Variants in TAF9B observed in about 807,000 individuals in gnomAD.
TAF9B encodes the protein transcription initiation factor TFIID subunit 9B.
A neutral mutation model predicts 17.6 loss-of-function variants in TAF9B; 47 were observed. The ratio of observed to expected loss-of-function variants is 2.68; its 90% CI spans 2.12 to 3.41. The LOEUF (loss-of-function observed/expected upper bound fraction) is 3.41. Ranked by LOEUF, TAF9B falls within the 30% of genes most tolerant of loss-of-function variation. The pLI is 0.00. For synonymous variants in TAF9B, 84 were observed against 68.7 expected, an observed-to-expected ratio of 1.22 and a Z score of -1.10; for missense variants, 218 against 189.3, an observed-to-expected ratio of 1.15 and a Z score of -0.89.
rs1569551066 is a variant in TAF9B at position 78,139,558 on chromosome X, TAC to T, written c.51+1_51+2del. The T allele has an allele frequency of 8.3e-7, 1 of 1,211,569 alleles. No homozygotes were observed. The highest frequency in any genetic ancestry group is 1.8e-5 in the South Asian group (1 of 56,943). ...CGATCCGCGGCTTATCCTTCGCACT[TAC>T]CAAGGCATCTCTCGGAGCGTTCTTG... On this transcript the variant is annotated splice_donor_variant, in intron 1 of 6. Transcript: ENST00000341864. LOFTEE classifies it high-confidence loss of function.
chrX:78,133,894 A>C (rs2078424330), intron 5 of TAF9B, among the ~76,000 whole-genome samples: 1 of 111,752 alleles, frequency 8.9e-6, no homozygotes, highest in Non-Finnish European at 1.9e-5. Flanking sequence ...GAAGACATAA[A>C]GATGAGAGTT....
rs1333422482 is a variant in TAF9B at position 78,139,581 on chromosome X, T to C, written c.31A>G (p.Asn11Asp). 6 of 1,210,545 alleles carry C rather than the reference T, an allele frequency of 5.0e-6. No homozygotes were observed. The highest frequency in any genetic ancestry group is 1.7e-5 in the African/African-American group (1 of 57,418). MESGKMAPPK[N>D]APRDALVMAQ... is the part of the protein sequence containing the mutation. Reference sequence around the variant, plus strand: ...CTTACCAAGGCATCTCTCGGAGCGTTCTTGGGAGGCGCCATCTTGCCCGAC... The same window carrying C: ...CTTACCAAGGCATCTCTCGGAGCGTCCTTGGGAGGCGCCATCTTGCCCGAC... Residue 11 changes from asparagine (N) to aspartate (D), a missense_variant, in exon 1 of 7, where the codon AAC becomes GAC. Asn to Asp is a conservative substitution (Grantham distance 23). Coordinates refer to ENST00000341864, the MANE Select transcript of TAF9B (RefSeq NM_015975.5).
At chrX:78,133,237 T>A (rs1389535566) in intron 6 of TAF9B, 101 bp downstream of exon 6, 13 of 637,336 alleles carry the variant, frequency 2.0e-5, no homozygotes, top group Non-Finnish European at 3.3e-5. Context: ...GCCACCTTCC[T>A]GTTGGGTATT....
intron 1 of TAF9B, 101 bp downstream of exon 1, chrX:78,139,460 A>T (rs2078447418): frequency 8.8e-7 from 1 of 1,131,264 alleles, no homozygotes. Flanking sequence ...CTAGACTGAA[A>T]CGAGCGTGCG....
intron 6 of TAF9B, among the ~76,000 whole-genome samples, chrX:78,133,078 T>A (rs2078420467): frequency 8.9e-6 from 1 of 112,056 alleles, no homozygotes; most frequent in Admixed American, 9.5e-5. Flanking sequence ...TTAGAAAGTT[T>A]ATAAATTTAA....
At position 78,131,195 on chromosome X, in the gene TAF9B, A is replaced by T. The variant is rs1379076584; in HGVS notation, c.*415T>A. 1 of 108,930 alleles carries T rather than the reference A, an allele frequency of 9.2e-6. No individual in the cohort carries two copies. Among genetic ancestry groups the T allele is most frequent in the African/African-American group, 3.4e-5 (1 of 29,641 alleles). The allele number at this position is 108,930 out of a possible 1,213,427, so 9.0% of individuals were successfully genotyped here. A position where few individuals can be genotyped will look rare whatever the true frequency, so the allele number is the denominator to read the frequency against. On this transcript the variant is annotated 3_prime_UTR_variant, in exon 7 of 7. Transcript: ENST00000341864. ...TGAGAGATTTGGTAAAAAAAAAAAA[A>T]TTAGCTAGTGACAGTAAGTAACTAT...
intron 5 of TAF9B, among the ~76,000 whole-genome samples, chrX:78,135,824 A>G (rs1431340868): frequency 8.9e-6 from 1 of 112,073 alleles, no homozygotes; most frequent in Non-Finnish European, 1.9e-5. Context: ...TCATTTAAGT[A>G]ATGTGAACCC....
chrX:78,138,266 C>T lies in TAF9B; in HGVS notation c.134-168G>A, dbSNP rs141686222. Reference sequence around the variant, plus strand: ...GCCCAGGAAACTCCTGGCCTCCCCGCGACAGCCTCCCGAAGTGCTGAGATT... The same window carrying T: ...GCCCAGGAAACTCCTGGCCTCCCCGTGACAGCCTCCCGAAGTGCTGAGATT... On this transcript the variant is annotated intron_variant, in intron 2 of 6. Coordinates refer to ENST00000341864, the MANE Select transcript of TAF9B (RefSeq NM_015975.5). Among the ~76,000 whole-genome samples the T allele has an allele frequency of 3.8e-3, 428 of 112,196 alleles. 1 individual carries two copies. The highest frequency in any genetic ancestry group is 0.013 in the African/African-American group (406 of 30,904).
rs782277638 is a variant in TAF9B at position 78,131,906 on chromosome X, A to T, written c.593-133T>A. The T allele has an allele frequency of 3.2e-5, 17 of 524,010 alleles. No homozygotes were observed. In the South Asian group the frequency reaches 7.5e-4, roughly 23 times the overall value. 43.2% of individuals were successfully genotyped at this position (524,010 alleles called of 1,213,427 possible). On this transcript the variant is annotated intron_variant, in intron 6 of 6. Transcript: ENST00000341864. Reference sequence around the variant, plus strand: ...TTTCAATAGCATGAAGTGCAACTATATCATAGAAGAAACATAGGTACTTAT... The same window carrying T: ...TTTCAATAGCATGAAGTGCAACTATTTCATAGAAGAAACATAGGTACTTAT...
In TAF9B at chrX:78,131,596, C is replaced by G; in HGVS notation, c.*14G>C. On this transcript the variant is annotated 3_prime_UTR_variant, in exon 7 of 7. Transcript: ENST00000341864. The stretch of plus-strand genomic sequence containing the variant: ...ACTTTCCTTTTGAAATGCATCTAGA[C>G]TAGACTATATTCCTTACATAATATC... The G allele has an allele frequency of 1.7e-6, 2 of 1,204,136 alleles. No homozygotes were observed. The highest frequency in any genetic ancestry group is 2.2e-6 in the Non-Finnish European group (2 of 890,262).
intron 5 of TAF9B, among the ~76,000 whole-genome samples, chrX:78,135,094 A>G (rs782309269): frequency 1.9e-5 from 2 of 104,496 alleles, no homozygotes; most frequent in Admixed American, 2.1e-4. Flanking sequence ...CTGGGATTAC[A>G]GGCACCCGCC....
rs1275449075 is a variant in TAF9B at position 78,133,380 on chromosome X, TA to T, written c.549del (p.Phe183LeufsTer26). ...GACTGAGAAGGTGGAATCTGCACCGTAAATCTTTGGCTTGTCACTGACATTG... is the reference window on the plus strand; with the variant it reads ...GACTGAGAAGGTGGAATCTGCACCGTAATCTTTGGCTTGTCACTGACATTG... ...ATPMSVTSQR[F>X]TVQIPPSQST... On this transcript the variant is annotated frameshift_variant, in exon 6 of 7. Transcript: ENST00000341864. LOFTEE classifies it high-confidence loss of function. 4 of 1,210,431 alleles carry T rather than the reference TA, an allele frequency of 3.3e-6. No individual in the cohort carries two copies. Among genetic ancestry groups the T allele is most frequent in the Non-Finnish European group, 4.5e-6 (4 of 895,177 alleles).
At chrX:78,138,128 CA>C (rs782483788) in intron 2 of TAF9B, 30 bp from the exon 3 acceptor site, 1 of 1,131,231 alleles carries the variant, frequency 8.8e-7, no homozygotes, top group African/African-American at 1.8e-5. Flanking sequence ...TTTTCTTAAA[CA>C]TATGAAGACA....
At chrX:78,136,578 G>A (rs1489858109) in intron 5 of TAF9B, among the ~76,000 whole-genome samples, 1 of 111,981 alleles carries the variant, frequency 8.9e-6, no homozygotes, top group Non-Finnish European at 1.9e-5. Flanking sequence ...TTTCTAATAA[G>A]TAGTCTACTG....
rs781957403 is a variant in TAF9B, at chrX:78,132,241, G to A, written c.593-468C>T. On this transcript the variant is annotated intron_variant, in intron 6 of 6. Coordinates refer to ENST00000341864, the MANE Select transcript of TAF9B (RefSeq NM_015975.5). ...ACTCCTGGCCTCAAGTGATCCTCCC[G>A]CCTCGGTCTCCCAAAGTGCTGGGAT... Among the ~76,000 whole-genome samples, 5 of 111,351 alleles carry A rather than the reference G, an allele frequency of 4.5e-5. No individual in the cohort carries two copies. In the South Asian group the frequency reaches 1.1e-3, roughly 25 times the overall value.
intron 6 of TAF9B, among the ~76,000 whole-genome samples, chrX:78,132,135 AGGCGTGTACCACCAAACCT>A (rs2078416138): frequency 9.0e-6 from 1 of 111,084 alleles, no homozygotes; most frequent in Non-Finnish European, 1.9e-5. Flanking sequence ...CCGGGATTAT[AGGCGTGTACCACCAAACCT>A]GGCTAATTTT....
Position 78,131,692 on chromosome X carries a change from A to AT in TAF9B, c.673dup (p.Met225AsnfsTer10). On this transcript the variant is annotated frameshift_variant, in exon 7 of 7. Coordinates refer to ENST00000341864, the MANE Select transcript of TAF9B (RefSeq NM_015975.5). LOFTEE classifies it high-confidence loss of function. The stretch of plus-strand genomic sequence containing the variant: ...ATTGGCTGTGTTCTGTGACGAAACC[A>AT]TGTTGGTGGTAATAAGAATATTTTT... The AT allele has an allele frequency of 1.7e-6, 2 of 1,210,369 alleles. No individual in the cohort carries two copies. The highest frequency in any genetic ancestry group is 2.2e-6 in the Non-Finnish European group (2 of 894,364).
At chrX:78,131,799 C>A in intron 6 of TAF9B, 26 bp from the exon 7 acceptor site, 1 of 1,179,911 alleles carries the variant, frequency 8.5e-7, no homozygotes, top group Non-Finnish European at 1.1e-6. Flanking sequence ...AAAGCCCCCC[C>A]AAAACCAAGC....
intron 5 of TAF9B, among the ~76,000 whole-genome samples, chrX:78,133,709 G>A (rs2078423582): frequency 9.0e-6 from 1 of 111,451 alleles, no homozygotes; most frequent in Non-Finnish European, 1.9e-5. Flanking sequence ...TCACCTACTA[G>A]CTGAGTGTCC....
Sources: allele counts gnomAD v4.1 joint callset (sites outside exome capture counted in the v4.1 genomes callset), GRCh38; gene constraint gnomAD v4.1.1; transcripts MANE v1.5; gene names NCBI Gene and HGNC (gene_info 2026-07-23, HGNC 2026-07-21).